OTOGL: variants seen among roughly 807,000 people sequenced by gnomAD.
OTOGL encodes otogelin-like protein.
OTOGL carries 285 observed loss-of-function variants against 318.5 expected under a neutral mutation model. The observed-to-expected ratio is 0.89, with a 90% CI of 0.81 to 0.99. The LOEUF (loss-of-function observed/expected upper bound fraction) is 0.99, where lower values mean the gene tolerates loss of function less well. OTOGL is among the 50% of genes least tolerant of loss of function. The pLI is 0.00. For synonymous variants in OTOGL, 987 were observed against 936.5 expected, an observed-to-expected ratio of 1.05 and a Z score of -0.99; for missense variants, 2,899 against 2,845.6, an observed-to-expected ratio of 1.02 and a Z score of -0.43.
chr12:80,218,528 G>C (rs1030192166), intron 5 of OTOGL, among the ~76,000 whole-genome samples: 1 of 152,120 alleles, frequency 6.6e-6, no homozygotes, highest in Non-Finnish European at 1.5e-5. Flanking sequence ...CTTCCTGCTT[G>C]AGTTTTGCCA....
At chr12:80,257,107 A>G (rs1454513413) in intron 17 of OTOGL, among the ~76,000 whole-genome samples, 1 of 152,098 alleles carries the variant, frequency 6.6e-6, no homozygotes, top group Non-Finnish European at 1.5e-5. Context: ...ATAGCTGTTA[A>G]TAACACTCTC....
intron 10 of OTOGL, 105 bp downstream of exon 10, chr12:80,239,083 A>G: frequency 7.8e-7 from 1 of 1,278,966 alleles, no homozygotes; most frequent in East Asian, 2.7e-5. Flanking sequence ...ATAATTTAAA[A>G]ATATTATATC....
At chr12:80,222,931 G>T (rs1369554072) in intron 7 of OTOGL, among the ~76,000 whole-genome samples, 2 of 152,008 alleles carry the variant, frequency 1.3e-5, no homozygotes, top group African/African-American at 4.8e-5. Context: ...GGTTTTTGGG[G>T]GAAGAGATGG....
At chr12:80,170,199 G>GTGTGTGTGTATGTA (rs1365936942) in intron 1 of OTOGL, among the ~76,000 whole-genome samples, 1 of 115,068 alleles carries the variant, frequency 8.7e-6, no homozygotes, top group Non-Finnish European at 1.7e-5. Context: ...GTGTGTGTGT[G>GTGTGTGTGTATGTA]TGTGTGTGTG....
chr12:80,163,105 T>C (rs1873625663), intron 1 of OTOGL, among the ~76,000 whole-genome samples: 1 of 152,128 alleles, frequency 6.6e-6, no homozygotes, highest in Non-Finnish European at 1.5e-5. Context: ...TTAAAAAAAA[T>C]TCCAGGAGAG....
intron 44 of OTOGL, among the ~76,000 whole-genome samples, chr12:80,343,289 C>T (rs1280186537): frequency 6.6e-6 from 1 of 151,986 alleles, no homozygotes. Context: ...AGGTTAGTTC[C>T]AGGACCTTCA....
At chr12:80,218,938 G>A (rs920171487) in intron 5 of OTOGL, among the ~76,000 whole-genome samples, 3 of 151,186 alleles carry the variant, frequency 2.0e-5, no homozygotes, top group Non-Finnish European at 2.9e-5. Context: ...GGGATTACAG[G>A]TGTCTACCAC....
intron 26 of OTOGL, among the ~76,000 whole-genome samples, chr12:80,284,517 T>G (rs1323298717): frequency 6.6e-6 from 1 of 152,200 alleles, no homozygotes; most frequent in East Asian, 1.9e-4. Context: ...TGTTCCTATT[T>G]CTCCACATCC....
chr12:80,345,748 G>C (rs371376991), intron 44 of OTOGL, among the ~76,000 whole-genome samples: 1 of 151,866 alleles, frequency 6.6e-6, no homozygotes, highest in Non-Finnish European at 1.5e-5. Flanking sequence ...AGAGATAATT[G>C]ACTGTAGGAC....
At chr12:80,165,181 A>G (rs1200226137) in intron 1 of OTOGL, among the ~76,000 whole-genome samples, 1 of 152,158 alleles carries the variant, frequency 6.6e-6, no homozygotes, top group Non-Finnish European at 1.5e-5. Context: ...TCTGTCCAGT[A>G]CTTTTTCTTC....
At chr12:80,131,870 G>T (rs1319974101) in intron 1 of OTOGL, 1 of 152,082 alleles carries the variant, frequency 6.6e-6, no homozygotes, top group Non-Finnish European at 1.5e-5. Flanking sequence ...GTATAGAGTG[G>T]GAACTCAAAA....
chr12:80,347,389 G>A (rs1017567625), intron 44 of OTOGL, among the ~76,000 whole-genome samples: 6 of 151,922 alleles, frequency 3.9e-5, no homozygotes, highest in African/African-American at 1.2e-4. Flanking sequence ...GAGAACATGC[G>A]GTGTTTGGTT....
chr12:80,351,635 T>G (rs1418455505), intron 44 of OTOGL, among the ~76,000 whole-genome samples: 4 of 152,198 alleles, frequency 2.6e-5, no homozygotes, highest in African/African-American at 9.7e-5. Flanking sequence ...GAAAAAATAC[T>G]ATTTTTATCG....
At chr12:80,357,120 A>G (rs1237216502) in intron 49 of OTOGL, among the ~76,000 whole-genome samples, 1 of 152,210 alleles carries the variant, frequency 6.6e-6, no homozygotes, top group African/African-American at 2.4e-5. Context: ...AACAAAAACT[A>G]CATACATCAG....
chr12:80,229,132 A>C, intron 7 of OTOGL, 125 bp from the exon 8 acceptor site: 1 of 1,092,564 alleles, frequency 9.2e-7, no homozygotes. Context: ...TCCCAAATGT[A>C]GTTATAACGT....
At chr12:80,142,928 T>C (rs1414081561) in intron 1 of OTOGL, among the ~76,000 whole-genome samples, 1 of 152,072 alleles carries the variant, frequency 6.6e-6, no homozygotes, top group Non-Finnish European at 1.5e-5. Flanking sequence ...CTCATTTTGA[T>C]TTAAATATAA....
At chr12:80,323,991 A>G (rs762878242) in intron 35 of OTOGL, among the ~76,000 whole-genome samples, 151 bp downstream of exon 35, 1 of 152,234 alleles carries the variant, frequency 6.6e-6, no homozygotes, top group Non-Finnish European at 1.5e-5. Flanking sequence ...ATCAAGAAGT[A>G]GTTATTGAGA....
At chr12:80,115,219 A>C (rs547081858) in intron 1 of OTOGL, among the ~76,000 whole-genome samples, 2 of 151,658 alleles carry the variant, frequency 1.3e-5, no homozygotes, top group African/African-American at 4.8e-5. Context: ...GTTTTTCCTC[A>C]TCTTCGTGGT....
chr12:80,272,342 ATGTGTGTG>A (rs56364698), intron 24 of OTOGL, among the ~76,000 whole-genome samples: 8,532 of 145,504 alleles, frequency 0.059, 263 homozygotes, highest in South Asian at 0.12. Context: ...AGGCATTGTG[ATGTGTGTG>A]TGTGTGTGTG....
Sources: allele counts gnomAD v4.1 joint callset (sites outside exome capture counted in the v4.1 genomes callset), GRCh38; gene constraint gnomAD v4.1.1; transcripts MANE v1.5; gene names NCBI Gene and HGNC (gene_info 2026-07-23, HGNC 2026-07-21).